The following PLD5 variants were observed in gnomAD, a reference collection of about 807,000 sequenced individuals.
The protein encoded by PLD5 is inactive phospholipase D5.
PLD5 carries 36 observed loss-of-function variants against 61.1 expected under a neutral mutation model. That is an observed-to-expected ratio of 0.59 (90% CI 0.45 to 0.78). The LOEUF is 0.78. Among genes scored for constraint, PLD5 ranks in the 30% least tolerant of loss-of-function variants. PLD5 has a pLI of 0.00. For missense variants in PLD5, 515 were observed against 644.4 expected (o/e 0.80, Z 2.17); for synonymous variants, 243 against 242.8 (o/e 1.00, Z -0.01).
chr1:242,483,322 T>C (rs1306769719), intron 1 of PLD5, among the ~76,000 whole-genome samples: 2 of 152,070 alleles, frequency 1.3e-5, no homozygotes, highest in Non-Finnish European at 2.9e-5. Flanking sequence ...CCATCTCACA[T>C]GCAGAGACAC....
chr1:242,524,879 A>G (rs1572292246), upstream of PLD5, among the ~76,000 whole-genome samples: 1 of 151,944 alleles, frequency 6.6e-6, no homozygotes, highest in Admixed American at 6.5e-5. Context: ...TTTCCCGAGC[A>G]GGCTACACCT....
chr1:242,290,059 C>T (rs1348638490), intron 2 of PLD5, among the ~76,000 whole-genome samples: 1 of 151,182 alleles, frequency 6.6e-6, no homozygotes, highest in Admixed American at 6.6e-5. Flanking sequence ...GCAGGCAAAT[C>T]ACTATGTGCA....
At chr1:242,272,711 C>T (rs1674165624) in intron 3 of PLD5, among the ~76,000 whole-genome samples, 2 of 151,934 alleles carry the variant, frequency 1.3e-5, no homozygotes, top group Admixed American at 1.3e-4. Context: ...TAGGTGGGTA[C>T]CTCATAGCAA....
chr1:242,142,489 A>G (rs141312782), intron 5 of PLD5, among the ~76,000 whole-genome samples: 1 of 152,180 alleles, frequency 6.6e-6, no homozygotes, highest in African/African-American at 2.4e-5. Context: ...ACAACTGCCT[A>G]TTTTTCCACT....
intron 1 of PLD5, among the ~76,000 whole-genome samples, chr1:242,372,005 A>T (rs1307833170): frequency 6.6e-6 from 1 of 151,964 alleles, no homozygotes; most frequent in Admixed American, 6.6e-5. Context: ...TCCTAATGCT[A>T]TCCCTCCTAC....
intron 2 of PLD5, among the ~76,000 whole-genome samples, chr1:242,338,043 T>G (rs1659627099): frequency 6.6e-6 from 1 of 152,138 alleles, no homozygotes; most frequent in Admixed American, 6.6e-5. Flanking sequence ...CTGTTCTAAA[T>G]GTCTAAATTC....
intron 5 of PLD5, among the ~76,000 whole-genome samples, chr1:242,175,478 C>A (rs1460312722): frequency 6.6e-6 from 1 of 152,144 alleles, no homozygotes; most frequent in Non-Finnish European, 1.5e-5. Context: ...TTATGATAAA[C>A]CCACATCAAT....
intron 2 of PLD5, among the ~76,000 whole-genome samples, chr1:242,342,457 T>C (rs1332811218): frequency 5.3e-5 from 8 of 152,224 alleles, no homozygotes; most frequent in Non-Finnish European, 2.9e-5. Flanking sequence ...AACTTCACCG[T>C]GTGTGGCTAC....
intron 1 of PLD5, among the ~76,000 whole-genome samples, chr1:242,461,714 T>C (rs1017108681): frequency 3.3e-5 from 5 of 152,172 alleles, no homozygotes; most frequent in African/African-American, 1.2e-4. Context: ...ACCAACAGTG[T>C]ATAAGCATTC....
At chr1:242,261,998 T>C (rs1673400896) in intron 4 of PLD5, among the ~76,000 whole-genome samples, 2 of 152,172 alleles carry the variant, frequency 1.3e-5, no homozygotes, top group African/African-American at 4.8e-5. Flanking sequence ...GAAATGTATA[T>C]GTGTAGGCAT....
chr1:242,451,273 C>T (rs1408373795), intron 1 of PLD5, among the ~76,000 whole-genome samples: 1 of 152,134 alleles, frequency 6.6e-6, no homozygotes, highest in Non-Finnish European at 1.5e-5. Flanking sequence ...AAAGAGTTCC[C>T]TGACATCCTC....
chr1:242,221,682 T>C (rs1336910606), intron 4 of PLD5, among the ~76,000 whole-genome samples: 2 of 152,174 alleles, frequency 1.3e-5, no homozygotes, highest in African/African-American at 4.8e-5. Context: ...CCAGCCATCC[T>C]GGAATAGTAA....
intron 1 of PLD5, among the ~76,000 whole-genome samples, chr1:242,436,572 G>A (rs1368659175): frequency 1.3e-5 from 2 of 152,118 alleles, no homozygotes; most frequent in African/African-American, 2.4e-5. Flanking sequence ...TTTATCCAAA[G>A]GACACAGACA....
intron 2 of PLD5, among the ~76,000 whole-genome samples, chr1:242,316,374 C>T (rs1657970959): frequency 6.6e-6 from 1 of 152,130 alleles, no homozygotes; most frequent in African/African-American, 2.4e-5. Context: ...CACATTCTCT[C>T]CTGGCAGAGG....
intron 1 of PLD5, among the ~76,000 whole-genome samples, chr1:242,441,583 T>C (rs1666277109): frequency 6.6e-6 from 1 of 152,200 alleles, no homozygotes; most frequent in Admixed American, 6.5e-5. Context: ...TCCCTTAAGA[T>C]GAAATAAGAA....
chr1:242,335,328 G>A (rs1399437832), intron 2 of PLD5, among the ~76,000 whole-genome samples: 1 of 151,996 alleles, frequency 6.6e-6, no homozygotes, highest in Non-Finnish European at 1.5e-5. Flanking sequence ...TTTAGTGGCT[G>A]GTATATTATA....
At chr1:242,340,131 GT>G (rs988707599) in intron 2 of PLD5, among the ~76,000 whole-genome samples, 7 of 152,328 alleles carry the variant, frequency 4.6e-5, no homozygotes, top group African/African-American at 1.7e-4. Flanking sequence ...TCTAGAGACA[GT>G]TTTTGTCTTT....
intron 5 of PLD5, among the ~76,000 whole-genome samples, chr1:242,167,712 CAG>C (rs1475010745): frequency 6.6e-6 from 1 of 152,180 alleles, no homozygotes; most frequent in Non-Finnish European, 1.5e-5. Context: ...CAATAAGGCA[CAG>C]AGAGGTACAG....
At chr1:242,120,809 C>T (rs1485978007) in intron 6 of PLD5, among the ~76,000 whole-genome samples, 1 of 152,202 alleles carries the variant, frequency 6.6e-6, no homozygotes, top group Non-Finnish European at 1.5e-5. Flanking sequence ...TTCCCATCCT[C>T]CAATTTCAAT....
Sources: gnomAD v4.1 joint callset for allele counts (sites outside exome capture counted in the v4.1 genomes callset) on GRCh38, gnomAD v4.1.1 for gene constraint, MANE v1.5 for transcripts, NCBI Gene and HGNC (gene_info 2026-07-23, HGNC 2026-07-21) for gene names.